NRG1: variants seen among roughly 807,000 people sequenced by gnomAD.
The protein encoded by NRG1 is neuregulin 1.
NRG1 carries 18 observed loss-of-function variants against 63.8 expected under a neutral mutation model. The ratio of observed to expected loss-of-function variants is 0.28; its 90% confidence interval spans 0.19 to 0.42. The LOEUF (loss-of-function observed/expected upper bound fraction) is 0.42, where lower values mean the gene tolerates loss of function less well. Ranked by LOEUF, NRG1 falls within the 10% of genes least tolerant of loss-of-function variation. NRG1 has a pLI of 1.00. For synonymous variants in NRG1, 302 were observed against 301.3 expected, an observed-to-expected ratio of 1.00 and a Z score of -0.02; for missense variants, 762 against 814.7, an observed-to-expected ratio of 0.94 and a Z score of 0.79.
chr8:32,399,655 G>A (rs1812915912), intron 1 of NRG1, among the ~76,000 whole-genome samples: 1 of 152,196 alleles, frequency 6.6e-6, no homozygotes, highest in Non-Finnish European at 1.5e-5. Flanking sequence ...AGTCAGCAGA[G>A]ATTGCTCCAC....
intron 5 of NRG1, among the ~76,000 whole-genome samples, chr8:32,727,668 A>C (rs1822551227): frequency 6.6e-6 from 1 of 152,166 alleles, no homozygotes; most frequent in Admixed American, 6.6e-5. Flanking sequence ...CTCTTTTCCA[A>C]CTACCTGGAA....
rs1295017004 is a variant in NRG1, at chr8:32,056,316, C to T, written c.37+416885C>T. Among the ~76,000 whole-genome samples, 4 of 152,154 alleles carry T rather than the reference C, an allele frequency of 2.6e-5. No homozygotes were observed. In the East Asian group the frequency reaches 7.7e-4, roughly 29 times the overall value. ...AACATTCCCACCTCTACCTGGCTGGCCTTGCCGAGAAAACAATACTGCTTT... is the reference window on the plus strand; with the variant it reads ...AACATTCCCACCTCTACCTGGCTGGTCTTGCCGAGAAAACAATACTGCTTT... On this transcript the variant is annotated intron_variant, in intron 1 of 10. Transcript: ENST00000519301.
chr8:31,790,170 A>G (rs144107036), intron 1 of NRG1, among the ~76,000 whole-genome samples: 24 of 152,354 alleles, frequency 1.6e-4, no homozygotes, highest in Middle Eastern at 3.4e-3. Context: ...TGCAAATGCA[A>G]ATAAGAAAGG....
intron 1 of NRG1, among the ~76,000 whole-genome samples, chr8:32,447,887 A>G (rs893815419): frequency 4.0e-5 from 6 of 151,844 alleles, no homozygotes; most frequent in African/African-American, 1.2e-4. Flanking sequence ...CAGTTTTTCT[A>G]TAACGGATTG....
downstream of NRG1, among the ~76,000 whole-genome samples, chr8:32,771,276 ATTTT>A (rs553989637): frequency 7.0e-4 from 65 of 92,746 alleles, no homozygotes; most frequent in African/African-American, 2.7e-3. Context: ...ATGCCCAGCG[ATTTT>A]TTTTTTTTTT....
intron 5 of NRG1, among the ~76,000 whole-genome samples, chr8:32,640,781 T>A (rs967919283): frequency 6.6e-6 from 1 of 152,080 alleles, no homozygotes; most frequent in Admixed American, 6.6e-5. Flanking sequence ...TCTGTTCAAC[T>A]CCATCCTATT....
chr8:31,904,668 C>A (rs1406551024), intron 1 of NRG1, among the ~76,000 whole-genome samples: 1 of 152,134 alleles, frequency 6.6e-6, no homozygotes, highest in African/African-American at 2.4e-5. Flanking sequence ...AAATGCGGTA[C>A]ATATACATCA....
At chr8:31,964,456 G>A (rs868211171) in intron 1 of NRG1, among the ~76,000 whole-genome samples, 6 of 152,152 alleles carry the variant, frequency 3.9e-5, no homozygotes, top group Admixed American at 1.3e-4. Flanking sequence ...GATTACTTGA[G>A]CTCAGGAGTT....
In NRG1 at chr8:31,865,058, C is replaced by T. The variant is rs118107370; in HGVS notation, c.37+225627C>T. Reference sequence around the variant, plus strand: ...TCTCAGGTAAGGGCACAGAGGCTAACGAACGCTCCTTTCCTGGGGCCAAAG... The same window carrying T: ...TCTCAGGTAAGGGCACAGAGGCTAATGAACGCTCCTTTCCTGGGGCCAAAG... On this transcript the variant is annotated intron_variant, in intron 1 of 10. Transcript: ENST00000519301. Among the ~76,000 whole-genome samples the T allele has an allele frequency of 5.1e-3, 775 of 152,276 alleles. 2 individuals are homozygous for T. Among genetic ancestry groups the T allele is most frequent in the Middle Eastern group, 0.024 (7 of 294 alleles).
intron 1 of NRG1, among the ~76,000 whole-genome samples, chr8:32,405,966 C>A (rs1412220274): frequency 6.6e-6 from 1 of 152,096 alleles, no homozygotes; most frequent in African/African-American, 2.4e-5. Flanking sequence ...AAAAAAGACG[C>A]ATAGAAAATA....
At chr8:32,138,238 A>G (rs939689223) in intron 1 of NRG1, among the ~76,000 whole-genome samples, 2 of 152,104 alleles carry the variant, frequency 1.3e-5, no homozygotes, top group African/African-American at 4.8e-5. Context: ...GCGATGTACC[A>G]GTGCAATAAA....
intron 1 of NRG1, among the ~76,000 whole-genome samples, chr8:31,735,908 C>T (rs976480492): frequency 6.6e-6 from 1 of 152,174 alleles, no homozygotes; most frequent in African/African-American, 2.4e-5. Flanking sequence ...ACCACTTTAA[C>T]TGCTACCATC....
At chr8:32,343,619 A>C (rs1565031) in intron 1 of NRG1, among the ~76,000 whole-genome samples, 1 of 152,026 alleles carries the variant, frequency 6.6e-6, no homozygotes, top group South Asian at 2.1e-4. Context: ...TCGAAGTAAA[A>C]GGGGAGGTGG....
At chr8:32,757,456 A>G (rs1829887764) in intron 9 of NRG1, among the ~76,000 whole-genome samples, 2 of 152,198 alleles carry the variant, frequency 1.3e-5, no homozygotes, top group African/African-American at 4.8e-5. Flanking sequence ...TGGAACAGAT[A>G]TATCATAGAC....
chr8:31,965,016 G>A (rs753281640), intron 1 of NRG1, among the ~76,000 whole-genome samples: 1 of 152,126 alleles, frequency 6.6e-6, no homozygotes, highest in Non-Finnish European at 1.5e-5. Flanking sequence ...CAAAGCATAG[G>A]AACAAACTCA....
intron 1 of NRG1, among the ~76,000 whole-genome samples, chr8:32,353,361 T>C (rs907040260): frequency 6.6e-6 from 1 of 151,408 alleles, no homozygotes; most frequent in African/African-American, 2.4e-5. Flanking sequence ...AAAATAATGA[T>C]TATATGTATA....
rs1838161543 is a variant in NRG1 at position 32,569,794 on chromosome 8, T to C, written c.100+20968T>C. Among the ~76,000 whole-genome samples, 3 of 152,066 alleles carry C rather than the reference T, an allele frequency of 2.0e-5. No homozygotes were observed. In the South Asian group the frequency reaches 6.2e-4, roughly 31 times the overall value. ...AACAATCATACACAAGTAAAACATT[T>C]ACCTTGGGGGTGGGCATCAGTTCCT... is the stretch of plus-strand genomic sequence containing the variant. On this transcript the variant is annotated intron_variant, in intron 1 of 11. Coordinates refer to ENST00000356819, the Ensembl canonical transcript of NRG1.
intron 1 of NRG1, among the ~76,000 whole-genome samples, chr8:32,322,723 T>G: frequency 6.6e-6 from 1 of 152,132 alleles, no homozygotes; most frequent in East Asian, 1.9e-4. Context: ...TATTCTGAAA[T>G]GATTTTCTCC....
chr8:32,561,016 T>G (rs574947075), intron 1 of NRG1, among the ~76,000 whole-genome samples: 1 of 152,174 alleles, frequency 6.6e-6, no homozygotes, highest in Non-Finnish European at 1.5e-5. Flanking sequence ...AGAAAAATCA[T>G]AGAGTGTTAG....
Sources: allele counts gnomAD v4.1 joint callset (sites outside exome capture counted in the v4.1 genomes callset), GRCh38; gene constraint gnomAD v4.1.1; transcripts MANE v1.5; gene names NCBI Gene and HGNC (gene_info 2026-07-23, HGNC 2026-07-21).